KLHDC3: variants seen among roughly 807,000 people sequenced by gnomAD.
The protein encoded by KLHDC3 is kelch domain containing 3.
KLHDC3 carries 5 observed loss-of-function variants against 44.1 expected under a neutral mutation model. The observed-to-expected ratio is 0.11, with a 90% CI of 0.06 to 0.24. The LOEUF (loss-of-function observed/expected upper bound fraction) is 0.24. Ranked by LOEUF, KLHDC3 falls within the 10% of genes least tolerant of loss-of-function variation. The pLI, the probability that KLHDC3 is intolerant of heterozygous loss-of-function variation, is 1.00. For synonymous variants in KLHDC3, 170 were observed against 189.0 expected, an observed-to-expected ratio of 0.90 and a Z score of 0.82; for missense variants, 247 against 514.3, an observed-to-expected ratio of 0.48 and a Z score of 5.03.
rs764267555 is a variant in KLHDC3, at chr6:43,017,812, A to G, written c.332-41A>G. On this transcript the variant is annotated intron_variant, in intron 3 of 10. Coordinates refer to ENST00000326974, the MANE Select transcript of KLHDC3 (RefSeq NM_057161.4). This position sits in a 1 kb window ranked among gnomAD's most constrained non-coding sequence, Gnocchi z 6.0. ...ACCCCAGAGCTGAGGAGGGACTGTC[A>G]TAGAGGGTGCTTAGTTGAGCCATTT... is the stretch of plus-strand genomic sequence containing the variant. 1.0e-5 allele frequency: 16 copies of G among 1,592,994 alleles called. No homozygotes were observed. The South Asian group carries it at 1.7e-4, about 16-fold the overall frequency.
In KLHDC3 at chr6:43,017,554, T is replaced by C; in HGVS notation, c.190T>C (p.Ser64Pro). 6.2e-7 allele frequency: 1 copy of C among 1,610,314 alleles called. No homozygotes were observed. Among genetic ancestry groups the C allele is most frequent in the South Asian group, 1.1e-5 (1 of 90,754 alleles). The part of the protein sequence containing the change: ...LRWTKLPPVK[S>P]AIRGQAPVVP... ...TTGGACAAAGCTGCCCCCGGTGAAG[T>C]CTGCCATCCGTGGGCAAGCTCCTGT... is the stretch of plus-strand genomic sequence containing the variant. Residue 64 changes from serine (S) to proline (P), a missense_variant, in exon 3 of 11, where the codon TCT becomes CCT. Around this residue, in one of 2 missense-constraint regions of KLHDC3, gnomAD observed 71 missense variants for 100.8 expected, o/e 0.70. Coordinates refer to ENST00000326974, the MANE Select transcript of KLHDC3 (RefSeq NM_057161.4). The surrounding 1 kb of genome is among the most constrained non-coding windows in gnomAD (Gnocchi z 6.0).
chr6:43,019,823 T>C (rs796556654), intron 10 of KLHDC3, among the ~76,000 whole-genome samples: 5 of 152,328 alleles, frequency 3.3e-5, no homozygotes, highest in African/African-American at 1.2e-4. Flanking sequence ...TGTTACTTTG[T>C]ATATAATTTT....
intron 1 of KLHDC3, chr6:43,014,667 C>G: frequency 2.2e-6 from 1 of 455,632 alleles, no homozygotes; most frequent in Non-Finnish European, 4.4e-6. Context: ...GCCGGAATGT[C>G]TGGAAGAAGA....
intron 9 of KLHDC3, 28 bp from the exon 10 acceptor site, chr6:43,019,260 T>C (rs1261274219): frequency 6.3e-7 from 1 of 1,593,492 alleles, no homozygotes; most frequent in East Asian, 2.2e-5. Context: ...CCTTTGACCA[T>C]CTCCTTTCCA....
rs1289839225 is a variant in KLHDC3, at chr6:43,017,586, C to G, written c.222C>G (p.Pro74=). 4 of 1,613,872 alleles carry G rather than the reference C, an allele frequency of 2.5e-6. No homozygotes were observed. Among genetic ancestry groups the G allele is most frequent in the Non-Finnish European group, 3.4e-6 (4 of 1,179,960 alleles). Residue 74 remains proline (P), a synonymous_variant, in exon 3 of 11, where the codon CCC becomes CCG. Transcript: ENST00000326974. This position sits in a 1 kb window ranked among gnomAD's most constrained non-coding sequence, Gnocchi z 6.0. The part of the protein sequence containing the change: ...SAIRGQAPVV[P]YMRYGHSTVL... The stretch of plus-strand genomic sequence containing the variant: ...TCCGTGGGCAAGCTCCTGTGGTACC[C>G]TACATGCGCTATGGACACTCAACCG...
At position 43,017,259 on chromosome 6, in the gene KLHDC3, G is replaced by A. The variant is rs750701214; in HGVS notation, c.67G>A (p.Gly23Arg). The change falls in exon 2 of 11, where the codon GGG becomes AGG. Residue 23 changes from glycine to arginine, a missense_variant. Gly to Arg is a moderately radical substitution (Grantham distance 125). Around this residue, in one of 2 missense-constraint regions of KLHDC3, gnomAD observed 71 missense variants for 100.8 expected, o/e 0.70. Transcript: ENST00000326974. This position sits in a 1 kb window ranked among gnomAD's most constrained non-coding sequence, Gnocchi z 6.0. ...RRVNHAAVAV[G>R]HRVYSFGGYC... ...GGTGAACCATGCTGCAGTGGCTGTC[G>A]GGCATCGGGTATACTCCTTCGGGGG... 6 of 1,614,156 alleles carry A rather than the reference G, an allele frequency of 3.7e-6. No individual in the cohort carries two copies. The highest frequency in any genetic ancestry group is 1.7e-5 in the Admixed American group (1 of 60,018).
chr6:43,014,620 G>A (rs112716569), intron 1 of KLHDC3: 13 of 456,962 alleles, frequency 2.8e-5, no homozygotes, highest in African/African-American at 1.4e-4. Flanking sequence ...GAGCATAATG[G>A]AAGGGGAGGG....
chr6:43,015,132 G>A (rs930459120), intron 1 of KLHDC3, among the ~76,000 whole-genome samples: 2 of 152,310 alleles, frequency 1.3e-5, no homozygotes, highest in African/African-American at 2.4e-5. Flanking sequence ...GAGGATGGAA[G>A]ACTTCCATTC....
Position 43,017,031 on chromosome 6 carries a change from C to A in KLHDC3, c.-59-103C>A. ...CCTGTGGAGGGGTAGTGTGGGAGGGCCCCCAGGGTGACACTTGGAGGCAAA... is the reference window on the plus strand; with the variant it reads ...CCTGTGGAGGGGTAGTGTGGGAGGGACCCCAGGGTGACACTTGGAGGCAAA... On this transcript the variant is annotated intron_variant, in intron 1 of 10. Transcript: ENST00000326974. The surrounding 1 kb of genome is among the most constrained non-coding windows in gnomAD (Gnocchi z 6.0). 1 of 792,810 alleles carries A rather than the reference C, an allele frequency of 1.3e-6. No individual in the cohort carries two copies. Among genetic ancestry groups the A allele is most frequent in the Non-Finnish European group, 2.0e-6 (1 of 489,588 alleles). The allele number at this position is 792,810 out of a possible 1,614,324, so 49.1% of individuals were successfully genotyped here. A position where few individuals can be genotyped will look rare whatever the true frequency, so the allele number is the denominator to read the frequency against.
At chr6:43,019,814 GTTAC>G in intron 10 of KLHDC3, among the ~76,000 whole-genome samples, 4 of 152,254 alleles carry the variant, frequency 2.6e-5, no homozygotes, top group Middle Eastern at 6.8e-3. Flanking sequence ...ACCACCAGAT[GTTAC>G]TTTGTATATA....
Position 43,019,319 on chromosome 6 carries a change from C to T in KLHDC3, c.1035C>T (p.Ala345=), listed in dbSNP as rs754086366. The T allele has an allele frequency of 5.0e-6, 8 of 1,613,788 alleles. No homozygotes were observed. Among genetic ancestry groups the T allele is most frequent in the Middle Eastern group, 3.3e-4 (2 of 6,062 alleles). Residue 345 remains alanine, a synonymous_variant, in exon 10 of 11, where the codon GCC becomes GCT. Transcript: ENST00000326974. ...GTCTGAAGACTCTGTGCAAACTGGCCGTGATTCAGTATAACCTAGACCAGT... is the reference window on the plus strand; with the variant it reads ...GTCTGAAGACTCTGTGCAAACTGGCTGTGATTCAGTATAACCTAGACCAGT... ...SPSLKTLCKL[A]VIQYNLDQSC...
chr6:43,020,825 C>T lies in KLHDC3; in HGVS notation c.*92C>T. On this transcript the variant is annotated 3_prime_UTR_variant, in exon 11 of 11. Coordinates refer to ENST00000326974, the MANE Select transcript of KLHDC3 (RefSeq NM_057161.4). ...CCCACCTGCTCCTTTGACCCCTGGA[C>T]TTGGTATACCTCCATGTGGAGTTGT... The T allele has an allele frequency of 9.5e-6, 9 of 948,030 alleles. No individual in the cohort carries two copies. Among genetic ancestry groups the T allele is most frequent in the Non-Finnish European group, 1.4e-5 (8 of 577,868 alleles). 58.7% of individuals were successfully genotyped at this position (948,030 alleles called of 1,614,324 possible). A position where few individuals can be genotyped will look rare whatever the true frequency, so the allele number is the denominator to read the frequency against.
chr6:43,016,084 C>T (rs1208413835), intron 1 of KLHDC3, among the ~76,000 whole-genome samples: 9 of 151,892 alleles, frequency 5.9e-5, no homozygotes, highest in South Asian at 2.1e-4. Flanking sequence ...TACAGGTGCG[C>T]GCCACCGTGC....
Position 43,019,076 on chromosome 6 carries a change from C to G in KLHDC3, c.930-16C>G. ...TAGTTTTTGTCCTACTTTCATCTCT[C>G]TTTTGATCCCGACAGTCCATCTCCT... On this transcript the variant is annotated splice_polypyrimidine_tract_variant and intron_variant, in intron 8 of 10. Coordinates refer to ENST00000326974, the MANE Select transcript of KLHDC3 (RefSeq NM_057161.4). 1 of 1,609,764 alleles carries G rather than the reference C, an allele frequency of 6.2e-7. No homozygotes were observed. The highest frequency in any genetic ancestry group is 1.3e-5 in the African/African-American group (1 of 74,930).
At position 43,017,157 on chromosome 6, in the gene KLHDC3, CG is replaced by C. The variant is rs752826642; in HGVS notation, c.-29del. On this transcript the variant is annotated 5_prime_UTR_variant, in exon 2 of 11. Coordinates refer to ENST00000326974, the MANE Select transcript of KLHDC3 (RefSeq NM_057161.4). This position sits in a 1 kb window ranked among gnomAD's most constrained non-coding sequence, Gnocchi z 6.0. ...AGATAGCAGAGGCAGCAGGCCGTGC[CG>C]GGGGGGCATGTTGCTGTAACCAGTG... 31 of 1,596,792 alleles carry C rather than the reference CG, an allele frequency of 1.9e-5. No individual in the cohort carries two copies. The highest frequency in any genetic ancestry group is 5.4e-5 in the African/African-American group (4 of 74,734).
rs1326276767 is a variant in KLHDC3, at chr6:43,014,484, G to T, written c.-60+136G>T. The T allele has an allele frequency of 5.9e-6, 3 of 504,572 alleles. No individual in the cohort carries two copies. The East Asian group carries it at 1.7e-4, about 28-fold the overall frequency. The allele number at this position is 504,572 out of a possible 1,614,324, so 31.3% of individuals were successfully genotyped here. On this transcript the variant is annotated intron_variant, in intron 1 of 10. Transcript: ENST00000326974. The stretch of plus-strand genomic sequence containing the variant: ...GGGAGCTAGGGGGATGATGGGAAAG[G>T]AGAGTGTTAATGGGGAAAGCAGGGC...
chr6:43,015,437 A>G (rs1762543226), intron 1 of KLHDC3, among the ~76,000 whole-genome samples: 1 of 152,148 alleles, frequency 6.6e-6, no homozygotes, highest in South Asian at 2.1e-4. Flanking sequence ...GCAGATGATG[A>G]TACACCCAAA....
At position 43,018,573 on chromosome 6, in the gene KLHDC3, TC is replaced by T; in HGVS notation, c.733+20del. On this transcript the variant is annotated intron_variant, in intron 6 of 10. Coordinates refer to ENST00000326974, the MANE Select transcript of KLHDC3 (RefSeq NM_057161.4). The surrounding 1 kb of genome is among the most constrained non-coding windows in gnomAD (Gnocchi z 6.0). ...ACTCGGCCTGTGAGTGTTTGTTACT[TC>T]CCTGTGGAGTTCCCTTCCTGCCCTC... 1 of 1,613,582 alleles carries T rather than the reference TC, an allele frequency of 6.2e-7. No individual in the cohort carries two copies. The highest frequency in any genetic ancestry group is 8.5e-7 in the Non-Finnish European group (1 of 1,179,576).
In KLHDC3 at chr6:43,018,542, G is replaced by A. The variant is rs1242528360; in HGVS notation, c.719G>A (p.Arg240Gln). Residue 240 changes from arginine to glutamine, a missense_variant, in exon 6 of 11, where the codon CGG (arginine) becomes CAG (glutamine). By Grantham distance (43) the Arg-to-Gln change is conservative. Around this residue, in one of 2 missense-constraint regions of KLHDC3, gnomAD observed 176 missense variants for 413.5 expected, o/e 0.43. Transcript: ENST00000326974. The surrounding 1 kb of genome is among the most constrained non-coding windows in gnomAD (Gnocchi z 6.0). The part of the protein sequence containing the change: ...PPTPVLPEGR[R>Q]SHSAFGYNGE... ...ACTCCAGTGCTGCCTGAGGGGCGCCGGAGCCACTCGGCCTGTGAGTGTTTG... is the reference window on the plus strand; with the variant it reads ...ACTCCAGTGCTGCCTGAGGGGCGCCAGAGCCACTCGGCCTGTGAGTGTTTG... 6.2e-7 allele frequency: 1 copy of A among 1,613,922 alleles called. No homozygotes were observed. Among genetic ancestry groups the A allele is most frequent in the African/African-American group, 1.3e-5 (1 of 74,936 alleles).
Sources: allele counts gnomAD v4.1 joint callset (sites outside exome capture counted in the v4.1 genomes callset), GRCh38; gene constraint gnomAD v4.1.1; regional missense constraint gnomAD v4.1.1; non-coding constraint Gnocchi (gnomAD v3.1); transcripts MANE v1.5; gene names NCBI Gene and HGNC (gene_info 2026-07-23, HGNC 2026-07-21).